The following MTOR variants were observed in gnomAD, a reference collection of about 807,000 sequenced individuals.
MTOR encodes serine/threonine-protein kinase mTOR.
MTOR carries 70 observed loss-of-function variants against 319.8 expected under a neutral mutation model. The observed-to-expected ratio is 0.22, with a 90% CI of 0.18 to 0.27. The LOEUF (loss-of-function observed/expected upper bound fraction) is 0.27. Ranked by LOEUF, MTOR falls within the 10% of genes least tolerant of loss-of-function variation. The pLI, the probability that MTOR is intolerant of heterozygous loss-of-function variation, is 1.00. For missense variants in MTOR, 1,890 were observed against 3,274.4 expected (o/e 0.58, Z 10.32); for synonymous variants, 1,183 against 1,211.4 (o/e 0.98, Z 0.49).
At chr1:11,187,707 A>G (rs1645367704) in intron 28 of MTOR, among the ~76,000 whole-genome samples, 1 of 152,208 alleles carries the variant, frequency 6.6e-6, no homozygotes, top group Admixed American at 6.5e-5. Context: ...CCCTATTTTT[A>G]GCAGACCTTG....
intron 49 of MTOR, among the ~76,000 whole-genome samples, chr1:11,119,832 T>A (rs1052529804): frequency 6.6e-6 from 1 of 151,024 alleles, no homozygotes; most frequent in Admixed American, 6.6e-5. Flanking sequence ...AGAAAAGGAT[T>A]AAAAATTTGG....
In MTOR at chr1:11,170,116, C is replaced by T. The variant is rs568542266; in HGVS notation, c.4254-2599G>A. ...AGAATATGCTCCATAAGTTAGCCTG[C>T]TACAAAATTCGGAGATGTTTTTAAT... On this transcript the variant is annotated intron_variant, in intron 28 of 57. Coordinates refer to ENST00000361445, the MANE Select transcript of MTOR (RefSeq NM_004958.4). 3.9e-5 allele frequency among the ~76,000 whole-genome samples: 6 copies of T among 152,312 alleles called. No individual in the cohort carries two copies. The South Asian group carries it at 1.2e-3, about 32-fold the overall frequency.
At chr1:11,157,058 G>T in intron 30 of MTOR, 94 bp downstream of exon 30, 1 of 1,450,882 alleles carries the variant, frequency 6.9e-7, no homozygotes, top group South Asian at 1.4e-5. Flanking sequence ...TCTGAAGTGA[G>T]AACTCCGTGT....
At chr1:11,160,257 T>C (rs1486653036) in intron 29 of MTOR, among the ~76,000 whole-genome samples, 3 of 152,224 alleles carry the variant, frequency 2.0e-5, no homozygotes, top group East Asian at 1.9e-4. Context: ...TGCACCACCA[T>C]GCCAGGCTAA....
At chr1:11,156,595 G>A (rs2100563596) in intron 30 of MTOR, among the ~76,000 whole-genome samples, 1 of 152,178 alleles carries the variant, frequency 6.6e-6, no homozygotes, top group South Asian at 2.1e-4. Flanking sequence ...GGCTTTCAAG[G>A]TAGCATGGCT....
In MTOR at chr1:11,201,996, G is replaced by C. The variant is rs200250050; in HGVS notation, c.3945-2293C>G. ...CTAATTTTTCATTTTTGTAGAGATA[G>C]AGTCTCGCTAGGTTGCCCAGGCTGG... On this transcript the variant is annotated intron_variant, in intron 26 of 57. Transcript: ENST00000361445. Among the ~76,000 whole-genome samples the C allele has an allele frequency of 7.2e-5, 11 of 152,252 alleles. No homozygotes were observed. In the East Asian group the frequency reaches 2.1e-3, roughly 29 times the overall value.
Position 11,128,298 on chromosome 1 carries a change from C to G in MTOR, c.5910+156G>C, listed in dbSNP as rs1642948078. 6.6e-6 allele frequency among the ~76,000 whole-genome samples: 1 copy of G among 152,152 alleles called. No individual in the cohort carries two copies. On this transcript the variant is annotated intron_variant, in intron 42 of 57. Transcript: ENST00000361445. The surrounding 1 kb of genome is among the most constrained non-coding windows in gnomAD (Gnocchi z 5.3). Reference sequence around the variant, plus strand: ...GAACGCTTTCTTTTTAGCAAGGCTCCCGGGCCCTCTGGGACGGCTGGCTGG... The same window carrying G: ...GAACGCTTTCTTTTTAGCAAGGCTCGCGGGCCCTCTGGGACGGCTGGCTGG...
intron 28 of MTOR, among the ~76,000 whole-genome samples, chr1:11,196,876 A>G (rs1319515842): frequency 6.6e-6 from 1 of 152,092 alleles, no homozygotes; most frequent in African/African-American, 2.4e-5. Context: ...AAAGAAAAGA[A>G]AAGAAATAGC....
intron 28 of MTOR, among the ~76,000 whole-genome samples, chr1:11,191,855 A>T (rs1383606836): frequency 3.9e-5 from 6 of 152,222 alleles, no homozygotes; most frequent in Non-Finnish European, 8.8e-5. Context: ...CAACAAAACC[A>T]GACTCTATGA....
chr1:11,161,019 G>A (rs1471475267), intron 29 of MTOR, among the ~76,000 whole-genome samples: 4 of 152,288 alleles, frequency 2.6e-5, no homozygotes, highest in Non-Finnish European at 2.9e-5. Context: ...AGGGGTCAGG[G>A]AATTCCCTTT....
chr1:11,168,048 G>A (rs895915615), intron 28 of MTOR, among the ~76,000 whole-genome samples: 6 of 151,578 alleles, frequency 4.0e-5, no homozygotes, highest in Non-Finnish European at 7.4e-5. Flanking sequence ...CCAGCCTGGG[G>A]GACAGAGTGA....
In MTOR at chr1:11,253,865, C is replaced by T. The variant is rs1329072544; in HGVS notation, c.814G>A (p.Val272Ile). ...TCTCCCTCCATGCTGCTGATTCGGA[C>T]CAGCTCGTTAAGGATCAACAAGGCT... ...HGALLILNEL[V>I]RISSMEGERL... is the part of the protein sequence containing the mutation. Residue 272 changes from valine (V) to isoleucine (I), a missense_variant, in exon 6 of 58, where the codon GTC becomes ATC. By Grantham distance (29) the Val-to-Ile change is conservative. Around this residue, in one of 15 missense-constraint regions of MTOR, gnomAD observed 418 missense variants for 543.1 expected, o/e 0.77. Transcript: ENST00000361445. The T allele has an allele frequency of 1.2e-6, 2 of 1,614,152 alleles. No homozygotes were observed. The highest frequency in any genetic ancestry group is 1.1e-5 in the South Asian group (1 of 91,090).
At chr1:11,255,846 C>CACA in intron 5 of MTOR, 146 bp downstream of exon 5, 1 of 532,696 alleles carries the variant, frequency 1.9e-6, no homozygotes, top group Non-Finnish European at 2.9e-6. Flanking sequence ...GACTCCATCA[C>CACA]AAAAAAAAAA....
intron 28 of MTOR, among the ~76,000 whole-genome samples, chr1:11,193,949 ACC>A (rs5772444): frequency 2.0e-5 from 3 of 152,096 alleles, no homozygotes; most frequent in Non-Finnish European, 4.4e-5. Flanking sequence ...CCTTTCTGCA[ACC>A]CCCCCAACCC....
At chr1:11,219,518 A>G (rs75801427) in intron 19 of MTOR, among the ~76,000 whole-genome samples, 8,958 of 152,244 alleles carry the variant, frequency 0.059, 372 homozygotes, top group South Asian at 0.12. Context: ...CCTCTCTGGA[A>G]AGATGCAAAT....
In MTOR at chr1:11,210,803, G is replaced by A; in HGVS notation, c.3654+11C>T. On this transcript the variant is annotated intron_variant, in intron 24 of 57. Coordinates refer to ENST00000361445, the MANE Select transcript of MTOR (RefSeq NM_004958.4). ...ACAGGGACTTCAGAACAGAAAAGAAGTATAGTTCACCTTGACAATTCTGCA... is the reference window on the plus strand; with the variant it reads ...ACAGGGACTTCAGAACAGAAAAGAAATATAGTTCACCTTGACAATTCTGCA... The A allele has an allele frequency of 6.3e-7, 1 of 1,587,926 alleles. No individual in the cohort carries two copies. The highest frequency in any genetic ancestry group is 8.6e-7 in the Non-Finnish European group (1 of 1,158,500).
intron 46 of MTOR, 104 bp from the exon 47 acceptor site, chr1:11,124,737 C>CCTAA (rs1310954363): frequency 8.0e-7 from 1 of 1,251,864 alleles, no homozygotes; most frequent in African/African-American, 1.5e-5. Flanking sequence ...ATATGCCTTA[C>CCTAA]CTAATCACAC....
chr1:11,118,231 T>G (rs938010992), intron 49 of MTOR, among the ~76,000 whole-genome samples: 11 of 103,194 alleles, frequency 1.1e-4, no homozygotes, highest in African/African-American at 4.7e-4. Context: ...TTAGTTAATT[T>G]TTTTTTTTTT....
chr1:11,248,201 T>G (rs1649100796), intron 6 of MTOR, 107 bp from the exon 7 acceptor site: 4 of 1,194,554 alleles, frequency 3.3e-6, no homozygotes, highest in Non-Finnish European at 4.7e-6. Context: ...GAAACGCAAC[T>G]ACTTCCAAAG....
Sources: gnomAD v4.1 joint callset for allele counts (sites outside exome capture counted in the v4.1 genomes callset) on GRCh38, gnomAD v4.1.1 for gene constraint, gnomAD v4.1.1 regional missense constraint, Gnocchi (gnomAD v3.1) non-coding constraint, MANE v1.5 for transcripts, NCBI Gene and HGNC (gene_info 2026-07-23, HGNC 2026-07-21) for gene names.